ATP8A2: variants seen among roughly 807,000 people sequenced by gnomAD.
ATP8A2 encodes phospholipid-transporting ATPase IB.
A neutral mutation model predicts 165.6 loss-of-function variants in ATP8A2; 100 were observed. That is an observed-to-expected ratio of 0.60 (90% CI 0.51 to 0.71). The LOEUF (loss-of-function observed/expected upper bound fraction) is 0.71, where lower values mean the gene tolerates loss of function less well. Ranked by LOEUF, ATP8A2 falls within the 30% of genes least tolerant of loss-of-function variation. The pLI is 0.00. For synonymous variants in ATP8A2, 543 were observed against 548.8 expected (o/e 0.99, Z 0.15); for missense variants, 1,227 against 1,479.5 (o/e 0.83, Z 2.80).
At chr13:25,641,614 A>C (rs1180294866) in intron 24 of ATP8A2, among the ~76,000 whole-genome samples, 1 of 152,220 alleles carries the variant, frequency 6.6e-6, no homozygotes, top group South Asian at 2.1e-4. Flanking sequence ...GGATACAAAC[A>C]AATGGAAGAA....
At chr13:25,839,738 T>A (rs1951711939) in intron 30 of ATP8A2, 114 bp downstream of exon 30, 1 of 836,834 alleles carries the variant, frequency 1.2e-6, no homozygotes, top group South Asian at 1.5e-5. Flanking sequence ...AGGAACACAT[T>A]TTAGAGGAAA....
chr13:25,979,987 A>T (rs1371196042), intron 35 of ATP8A2, among the ~76,000 whole-genome samples: 1 of 152,210 alleles, frequency 6.6e-6, no homozygotes, highest in Non-Finnish European at 1.5e-5. Context: ...GTGACATGGG[A>T]GCCTTCAGAA....
chr13:25,444,299 C>T (rs1352228632), intron 1 of ATP8A2, among the ~76,000 whole-genome samples: 4 of 152,168 alleles, frequency 2.6e-5, no homozygotes, highest in Admixed American at 2.0e-4. Flanking sequence ...CATTTCCCTG[C>T]TGATGGATAT....
intron 2 of ATP8A2, among the ~76,000 whole-genome samples, chr13:25,508,913 C>G (rs2037134604): frequency 6.6e-6 from 1 of 152,208 alleles, no homozygotes; most frequent in Non-Finnish European, 1.5e-5. Context: ...AAACTTCCCC[C>G]TTCTCATCCT....
intron 30 of ATP8A2, among the ~76,000 whole-genome samples, chr13:25,848,108 G>A (rs925185680): frequency 6.6e-6 from 1 of 152,326 alleles, no homozygotes; most frequent in East Asian, 1.9e-4. Flanking sequence ...CCTGAGCTCC[G>A]TGGCGCTACC....
At chr13:25,753,162 G>T (rs2044190000) in intron 25 of ATP8A2, among the ~76,000 whole-genome samples, 1 of 152,166 alleles carries the variant, frequency 6.6e-6, no homozygotes, top group Admixed American at 6.5e-5. Context: ...CAGAGAAAGG[G>T]TAGCCTGGTG....
intron 2 of ATP8A2, among the ~76,000 whole-genome samples, chr13:25,526,335 G>A (rs1566221476): frequency 1.3e-5 from 2 of 152,078 alleles, no homozygotes; most frequent in Admixed American, 6.6e-5. Context: ...GGAAGTCATG[G>A]TTCCCTGTTT....
chr13:25,468,952 C>T (rs2035756367), intron 1 of ATP8A2, 25 bp from the exon 2 acceptor site: 3 of 1,612,152 alleles, frequency 1.9e-6, no homozygotes, highest in Non-Finnish European at 2.5e-6. Context: ...GTGTCGTATT[C>T]TCTGCCTGCG....
intron 25 of ATP8A2, among the ~76,000 whole-genome samples, chr13:25,749,068 A>C (rs2044099435): frequency 6.6e-6 from 1 of 152,238 alleles, no homozygotes; most frequent in Non-Finnish European, 1.5e-5. Context: ...AGATAGCAGA[A>C]TAGTTTTGAC....
At chr13:25,814,110 C>CACACACAA (rs1231682716) in intron 27 of ATP8A2, among the ~76,000 whole-genome samples, 4 of 151,690 alleles carry the variant, frequency 2.6e-5, no homozygotes, top group Non-Finnish European at 4.4e-5. Flanking sequence ...CACACACACA[C>CACACACAA]ACACACACAC....
chr13:25,522,170 T>C (rs1213022599), intron 2 of ATP8A2, among the ~76,000 whole-genome samples: 1 of 152,214 alleles, frequency 6.6e-6, no homozygotes, highest in East Asian at 1.9e-4. Context: ...GTTTTTCTTA[T>C]ATAGATCTTT....
intron 33 of ATP8A2, among the ~76,000 whole-genome samples, chr13:25,888,661 A>T (rs1314229130): frequency 1.3e-5 from 2 of 152,214 alleles, no homozygotes; most frequent in Non-Finnish European, 2.9e-5. Flanking sequence ...GGAGTTAGAG[A>T]CCAGCCTGAC....
At chr13:25,571,352 C>T (rs559122748) in intron 17 of ATP8A2, among the ~76,000 whole-genome samples, 7 of 152,094 alleles carry the variant, frequency 4.6e-5, no homozygotes, top group African/African-American at 1.4e-4. Flanking sequence ...TGATCCCAAG[C>T]GAGAATAGCA....
chr13:25,693,713 A>G (rs2042777685), intron 24 of ATP8A2, among the ~76,000 whole-genome samples: 1 of 151,418 alleles, frequency 6.6e-6, no homozygotes. Flanking sequence ...TATTTTATTT[A>G]TTTATTTTGT....
chr13:25,679,643 G>A (rs577088285), intron 24 of ATP8A2, among the ~76,000 whole-genome samples: 1 of 152,264 alleles, frequency 6.6e-6, no homozygotes, highest in African/African-American at 2.4e-5. Flanking sequence ...TAAGCTAAAT[G>A]TCTACTAGCA....
Position 26,025,264 on chromosome 13 carries a change from C to G in ATP8A2, c.*5279C>G, listed in dbSNP as rs949101537. 2.6e-5 allele frequency: 4 copies of G among 152,228 alleles called. No individual in the cohort carries two copies. Among genetic ancestry groups the G allele is most frequent in the African/African-American group, 9.7e-5 (4 of 41,442 alleles). 9.4% of individuals were successfully genotyped at this position (152,228 alleles called of 1,614,324 possible). ...CTGAAACTCCTACTCTCCCCTCCCG[C>G]CCCACTCTCCCCCGTTGCCCGAGAT... On this transcript the variant is annotated 3_prime_UTR_variant, in exon 37 of 37. Coordinates refer to ENST00000381655, the MANE Select transcript of ATP8A2 (RefSeq NM_016529.6).
intron 27 of ATP8A2, among the ~76,000 whole-genome samples, chr13:25,799,896 G>A (rs944291003): frequency 4.6e-5 from 7 of 152,184 alleles, no homozygotes; most frequent in African/African-American, 1.7e-4. Context: ...TTCCAATAGA[G>A]CACTCAGATC....
chr13:25,510,164 GTC>G (rs1055520389), intron 2 of ATP8A2, among the ~76,000 whole-genome samples: 2 of 142,178 alleles, frequency 1.4e-5, no homozygotes, highest in Admixed American at 1.5e-4. Flanking sequence ...GTCTGTTCCC[GTC>G]TGTCTGTAAC....
chr13:25,944,195 C>A lies in ATP8A2; in HGVS notation c.3184-17380C>A, dbSNP rs186959050. ...GTAAATGATGAAGTATTCAGTAAAG[C>A]CATTGTCTGTTAGGCATATAGGCCT... is the stretch of plus-strand genomic sequence containing the variant. On this transcript the variant is annotated intron_variant, in intron 33 of 36. Coordinates refer to ENST00000381655, the MANE Select transcript of ATP8A2 (RefSeq NM_016529.6). Among the ~76,000 whole-genome samples the A allele has an allele frequency of 2.3e-3, 345 of 152,220 alleles. 1 individual carries two copies. Among genetic ancestry groups the A allele is most frequent in the African/African-American group, 7.9e-3 (328 of 41,546 alleles).
Sources: gnomAD v4.1 joint callset for allele counts (sites outside exome capture counted in the v4.1 genomes callset) on GRCh38, gnomAD v4.1.1 for gene constraint, MANE v1.5 for transcripts, NCBI Gene and HGNC (gene_info 2026-07-23, HGNC 2026-07-21) for gene names.